Variants in ALDH2 observed in about 807,000 individuals in gnomAD.
The protein encoded by ALDH2 is aldehyde dehydrogenase 2 family member.
A neutral mutation model predicts 59.6 loss-of-function variants in ALDH2; 44 were observed. The observed-to-expected ratio is 0.74, with a 90% confidence interval of 0.58 to 0.95. The LOEUF is 0.95. ALDH2 is among the 40% of genes least tolerant of loss of function. The pLI, the probability that ALDH2 is intolerant of heterozygous loss-of-function variation, is 0.00. For missense variants in ALDH2, 570 were observed against 696.3 expected (o/e 0.82, Z 2.04); for synonymous variants, 291 against 284.0 (o/e 1.02, Z -0.25).
intron 1 of ALDH2, among the ~76,000 whole-genome samples, chr12:111,776,109 C>T (rs1408721132): frequency 6.6e-6 from 1 of 152,146 alleles, no homozygotes; most frequent in Non-Finnish European, 1.5e-5. Flanking sequence ...TCAGAGGGGC[C>T]AGCCCAGCGA....
rs1368542871 is a variant in ALDH2 at position 111,813,808 on chromosome 12, G to T, written c.*4233G>T. 1 of 152,254 alleles carries T rather than the reference G, an allele frequency of 6.6e-6. No individual in the cohort carries two copies. The allele number at this position is 152,254 out of a possible 1,614,324, so 9.4% of individuals were successfully genotyped here. A position where few individuals can be genotyped will look rare whatever the true frequency, so the allele number is the denominator to read the frequency against. ...TCGATTGCTGGGGGCCCTGGGAAGG[G>T]ACCAAGGGGGAGTGACTTCTAATGG... On this transcript the variant is annotated 3_prime_UTR_variant, in exon 13 of 13. Coordinates refer to ENST00000261733, the MANE Select transcript of ALDH2 (RefSeq NM_000690.4).
intron 7 of ALDH2, among the ~76,000 whole-genome samples, chr12:111,791,777 G>C (rs2068361303): frequency 6.6e-6 from 1 of 152,140 alleles, no homozygotes; most frequent in African/African-American, 2.4e-5. Context: ...TGGTGTGTGC[G>C]TGTGGCCCCA....
Position 111,789,896 on chromosome 12 carries a change from C to G in ALDH2, c.514C>G (p.Arg172Gly), listed in dbSNP as rs368356402. 1 of 1,614,212 alleles carries G rather than the reference C, an allele frequency of 6.2e-7. No individual in the cohort carries two copies. Among genetic ancestry groups the G allele is most frequent in the South Asian group, 1.1e-5 (1 of 91,088 alleles). ...PIDGDFFSYT[R>G]HEPVGVCGQI... ...TGACGGAGACTTCTTCAGCTACACA[C>G]GCCATGAACCTGTGGGGGTGTGCGG... Residue 172 changes from arginine to glycine, a missense_variant, in exon 5 of 13, where the codon CGC becomes GGC. Arg to Gly is a moderately radical substitution (Grantham distance 125). Transcript: ENST00000261733.
chr12:111,783,040 C>A (rs2068284439), intron 2 of ALDH2, 118 bp from the exon 3 acceptor site: 3 of 1,311,900 alleles, frequency 2.3e-6, no homozygotes, highest in Non-Finnish European at 3.1e-6. Flanking sequence ...GTTTACGGGG[C>A]AGGTTTTCTG....
At chr12:111,799,712 G>T in intron 10 of ALDH2, 194 bp from the exon 11 acceptor site, 1 of 548,164 alleles carries the variant, frequency 1.8e-6, no homozygotes. Context: ...GGGCGCACAG[G>T]AGGAAGTTGG....
chr12:111,785,997 T>G (rs1196954984), intron 4 of ALDH2, among the ~76,000 whole-genome samples: 1 of 152,246 alleles, frequency 6.6e-6, no homozygotes, highest in Non-Finnish European at 1.5e-5. Context: ...AGATCTGTAG[T>G]GTTGTCTTCA....
intron 1 of ALDH2, chr12:111,775,632 A>G: frequency 2.2e-6 from 1 of 455,818 alleles, no homozygotes; most frequent in Non-Finnish European, 4.4e-6. Context: ...AACTCCAGAC[A>G]TCACTGTGCT....
At chr12:111,778,724 C>T (rs1232497799) in intron 1 of ALDH2, among the ~76,000 whole-genome samples, 5 of 151,590 alleles carry the variant, frequency 3.3e-5, no homozygotes, top group Non-Finnish European at 7.4e-5. Context: ...GTCCCAGCTA[C>T]TTGGGAGGCT....
At chr12:111,790,401 T>C (rs927273521) in intron 5 of ALDH2, 33 bp from the exon 6 acceptor site, 4 of 1,612,810 alleles carry the variant, frequency 2.5e-6, no homozygotes, top group African/African-American at 2.7e-5. Flanking sequence ...CTGAGGAAGC[T>C]TGGATTTCGA....
chr12:111,792,958 G>A (rs760842956), intron 9 of ALDH2, among the ~76,000 whole-genome samples, 176 bp downstream of exon 9: 72 of 152,004 alleles, frequency 4.7e-4, no homozygotes, highest in African/African-American at 1.6e-3. Context: ...ATCCCGAGCC[G>A]TGCCCTGCCT....
chr12:111,801,747 T>C (rs1273330687), intron 11 of ALDH2, among the ~76,000 whole-genome samples: 1 of 150,926 alleles, frequency 6.6e-6, no homozygotes, highest in Non-Finnish European at 1.5e-5. Flanking sequence ...TGTGATTCCA[T>C]TTACAGTATT....
At chr12:111,809,399 A>T in intron 12 of ALDH2, 144 bp from the exon 13 acceptor site, 1 of 804,144 alleles carries the variant, frequency 1.2e-6, no homozygotes, top group South Asian at 1.7e-5. Flanking sequence ...GGCAGTAGTG[A>T]GCTGTAATTG....
chr12:111,790,644 G>A, intron 6 of ALDH2, 82 bp downstream of exon 6: 1 of 1,568,942 alleles, frequency 6.4e-7, no homozygotes, highest in Admixed American at 1.8e-5. Context: ...GGTCTCAGGG[G>A]TCCCTAAACA....
At chr12:111,783,984 C>G (rs2068292552) in intron 3 of ALDH2, among the ~76,000 whole-genome samples, 1 of 152,180 alleles carries the variant, frequency 6.6e-6, no homozygotes, top group South Asian at 2.1e-4. Context: ...GCAATCTCCT[C>G]CCAGCCACAA....
rs1287372981 is a variant in ALDH2 at position 111,811,196 on chromosome 12, A to C, written c.*1621A>C. 1 of 151,792 alleles carries C rather than the reference A, an allele frequency of 6.6e-6. No homozygotes were observed. The highest frequency in any genetic ancestry group is 2.4e-5 in the African/African-American group (1 of 41,330). 9.4% of individuals were successfully genotyped at this position (151,792 alleles called of 1,614,324 possible). A position where few individuals can be genotyped will look rare whatever the true frequency, so the allele number is the denominator to read the frequency against. On this transcript the variant is annotated 3_prime_UTR_variant, in exon 13 of 13. Transcript: ENST00000261733. ...TACTGAAAATACAAAAAAAAAAAAA[A>C]AAACTAGCCGGGCATGGTGGCTCAT...
intron 1 of ALDH2, among the ~76,000 whole-genome samples, chr12:111,778,965 C>T (rs1403782164): frequency 6.7e-6 from 1 of 150,290 alleles, no homozygotes; most frequent in African/African-American, 2.5e-5. Flanking sequence ...CTCAAATGGT[C>T]CTCCCACCTC....
At chr12:111,804,349 G>T (rs2068476836) in intron 12 of ALDH2, among the ~76,000 whole-genome samples, 1 of 152,188 alleles carries the variant, frequency 6.6e-6, no homozygotes, top group Non-Finnish European at 1.5e-5. Context: ...GCTGGGCTTC[G>T]TTATACGCCA....
chr12:111,780,643 A>G (rs867565054), intron 1 of ALDH2, among the ~76,000 whole-genome samples: 1 of 151,808 alleles, frequency 6.6e-6, no homozygotes, highest in Non-Finnish European at 1.5e-5. Flanking sequence ...CCTTCTCTGG[A>G]TCCTCTTCTT....
At chr12:111,773,894 T>G (rs2068218417) in intron 1 of ALDH2, among the ~76,000 whole-genome samples, 1 of 152,186 alleles carries the variant, frequency 6.6e-6, no homozygotes, top group Non-Finnish European at 1.5e-5. Flanking sequence ...TGTTTACAGT[T>G]TTGTGCTCCA....
Sources: allele counts gnomAD v4.1 joint callset (sites outside exome capture counted in the v4.1 genomes callset), GRCh38; gene constraint gnomAD v4.1.1; transcripts MANE v1.5; gene names NCBI Gene and HGNC (gene_info 2026-07-23, HGNC 2026-07-21).